The following EXT1 variants were observed in gnomAD, a reference collection of about 807,000 sequenced individuals.
EXT1 encodes the protein exostosin glycosyltransferase 1.
EXT1 carries 20 observed loss-of-function variants against 82.5 expected under a neutral mutation model. That is an observed-to-expected ratio of 0.24 (90% CI 0.17 to 0.35). The LOEUF is 0.35. EXT1 is among the 10% of genes least tolerant of loss of function. The pLI is 1.00. For missense variants in EXT1, 757 were observed against 936.5 expected (o/e 0.81, Z 2.50); for synonymous variants, 348 against 350.8 (o/e 0.99, Z 0.09).
intron 5 of EXT1, among the ~76,000 whole-genome samples, chr8:117,820,382 G>A (rs1257288494): frequency 6.6e-6 from 1 of 152,096 alleles, no homozygotes; most frequent in Non-Finnish European, 1.5e-5. Flanking sequence ...CAAATATGGG[G>A]TTATCTTGAA....
At chr8:117,804,686 G>A (rs374060134) in intron 10 of EXT1, 36 bp downstream of exon 10, 1 of 1,612,176 alleles carries the variant, frequency 6.2e-7, no homozygotes, top group Non-Finnish European at 8.5e-7. Flanking sequence ...AACCACCAGT[G>A]AGTGAAGCAA....
At chr8:117,935,267 C>T (rs1814137066) in intron 1 of EXT1, among the ~76,000 whole-genome samples, 1 of 151,566 alleles carries the variant, frequency 6.6e-6, no homozygotes, top group Admixed American at 6.6e-5. Context: ...CAGACACAGG[C>T]ATTCCTCCAC....
intron 1 of EXT1, among the ~76,000 whole-genome samples, chr8:118,019,434 T>A (rs1390212382): frequency 1.3e-5 from 2 of 152,192 alleles, no homozygotes; most frequent in Non-Finnish European, 2.9e-5. Context: ...AGAATACGAC[T>A]CAGAGCCATG....
Position 117,830,306 on chromosome 8 carries a change from G to T in EXT1, c.1208C>A (p.Ala403Glu), listed in dbSNP as rs1812077483. 2 of 1,613,870 alleles carry T rather than the reference G, an allele frequency of 1.2e-6. No individual in the cohort carries two copies. Among genetic ancestry groups the T allele is most frequent in the African/African-American group, 2.7e-5 (2 of 74,934 alleles). Residue 403 changes from alanine (A) to glutamate (E), a missense_variant, in exon 4 of 11, where the codon GCA (alanine) becomes GAA (glutamate). By Grantham distance (107) the Ala-to-Glu change is moderately radical. Coordinates refer to ENST00000378204, the MANE Select transcript of EXT1 (RefSeq NM_000127.3). ...CAAGAATTGTGTCTGCTGTCTAAGT[G>T]CTAGGATTTTATCCTGATGAATAGA... is the stretch of plus-strand genomic sequence containing the variant. ...IRSIHQDKIL[A>E]LRQQTQFLWE...
intron 1 of EXT1, among the ~76,000 whole-genome samples, chr8:117,925,639 T>C (rs17453204): frequency 7.7e-6 from 1 of 130,506 alleles, no homozygotes; most frequent in Non-Finnish European, 1.5e-5. Flanking sequence ...GAAGCAAAGG[T>C]AGGGGGATCA....
intron 7 of EXT1, among the ~76,000 whole-genome samples, chr8:117,817,803 G>C (rs1055146034): frequency 1.3e-5 from 2 of 152,170 alleles, no homozygotes; most frequent in African/African-American, 4.8e-5. Flanking sequence ...GTTACACATG[G>C]CCTCAAATGT....
At chr8:117,956,922 T>C (rs1346285707) in intron 1 of EXT1, among the ~76,000 whole-genome samples, 8 of 152,162 alleles carry the variant, frequency 5.3e-5, no homozygotes, top group African/African-American at 9.7e-5. Flanking sequence ...CACTACCAGC[T>C]GGGGCCTGGA....
At chr8:117,851,900 T>G (rs1386186078) in intron 1 of EXT1, among the ~76,000 whole-genome samples, 1 of 151,914 alleles carries the variant, frequency 6.6e-6, no homozygotes, top group Non-Finnish European at 1.5e-5. Flanking sequence ...CTGAAAAGGG[T>G]TGGAATGGAA....
intron 10 of EXT1, among the ~76,000 whole-genome samples, chr8:117,803,580 T>G (rs1823198070): frequency 6.6e-6 from 1 of 152,146 alleles, no homozygotes; most frequent in Admixed American, 6.6e-5. Context: ...CAGGTGGACC[T>G]GATACCAAGA....
chr8:117,931,188 A>T (rs534820769), intron 1 of EXT1, among the ~76,000 whole-genome samples: 31 of 152,236 alleles, frequency 2.0e-4, no homozygotes, highest in African/African-American at 7.0e-4. Flanking sequence ...TTATTCCTTT[A>T]CTTTCCTAAT....
At chr8:118,022,391 G>A (rs1320703353) in intron 1 of EXT1, among the ~76,000 whole-genome samples, 5 of 124,248 alleles carry the variant, frequency 4.0e-5, no homozygotes, top group African/African-American at 1.5e-4. Flanking sequence ...AGGCTGGAGT[G>A]CAGTGGCACG....
intron 1 of EXT1, among the ~76,000 whole-genome samples, chr8:117,949,038 G>C (rs544695367): frequency 6.6e-6 from 1 of 152,292 alleles, no homozygotes; most frequent in Non-Finnish European, 1.5e-5. Flanking sequence ...AGGGCAGATA[G>C]GCCTGAATTT....
intron 1 of EXT1, among the ~76,000 whole-genome samples, chr8:118,109,793 G>A (rs1817860824): frequency 6.6e-6 from 1 of 152,036 alleles, no homozygotes; most frequent in Admixed American, 6.5e-5. Context: ...ATCTAACCCC[G>A]ACTCTTAACA....
intron 1 of EXT1, among the ~76,000 whole-genome samples, chr8:117,958,210 T>C (rs1814626995): frequency 6.6e-6 from 1 of 152,184 alleles, no homozygotes; most frequent in Non-Finnish European, 1.5e-5. Context: ...CTCAGGACTT[T>C]TCTCAAGCAT....
intron 1 of EXT1, among the ~76,000 whole-genome samples, chr8:118,087,283 T>C (rs771929374): frequency 8.5e-5 from 13 of 152,186 alleles, no homozygotes; most frequent in Admixed American, 4.6e-4. Context: ...AACCCTGAAA[T>C]TGAATCCAAT....
rs1404770087 is a variant in EXT1, at chr8:117,795,914, A to T, written c.*3798T>A. The T allele has an allele frequency of 6.6e-6, 1 of 152,190 alleles. No individual in the cohort carries two copies. Among genetic ancestry groups the T allele is most frequent in the Non-Finnish European group, 1.5e-5 (1 of 68,036 alleles). 9.4% of individuals were successfully genotyped at this position (152,190 alleles called of 1,614,324 possible). On this transcript the variant is annotated 3_prime_UTR_variant, in exon 11 of 11. Transcript: ENST00000378204. ...TTGATATTAATGCTTATTTGCTGAG[A>T]ACTCAACTCAAAACAACTTTGTCCC...
chr8:118,089,808 G>T (rs986198139), intron 1 of EXT1, among the ~76,000 whole-genome samples: 8 of 152,194 alleles, frequency 5.3e-5, no homozygotes, highest in Non-Finnish European at 7.3e-5. Context: ...ATACGGGAGA[G>T]CCAGAGGACA....
chr8:117,858,847 A>AGG (rs1419976244), intron 1 of EXT1, among the ~76,000 whole-genome samples: 1,635 of 54,352 alleles, frequency 0.03, 38 homozygotes, highest in Admixed American at 0.032. Context: ...GAAGGAAGGA[A>AGG]AGAAAGAAAG....
At chr8:118,070,238 GT>G (rs1817066274) in intron 1 of EXT1, among the ~76,000 whole-genome samples, 1 of 123,572 alleles carries the variant, frequency 8.1e-6, no homozygotes, top group Non-Finnish European at 1.6e-5. Flanking sequence ...GTGTGTGTGT[GT>G]GTGTGTGTGT....
Sources: allele counts gnomAD v4.1 joint callset (sites outside exome capture counted in the v4.1 genomes callset), GRCh38; gene constraint gnomAD v4.1.1; transcripts MANE v1.5; gene names NCBI Gene and HGNC (gene_info 2026-07-23, HGNC 2026-07-21).